Variants in UNC13B observed in about 807,000 individuals in gnomAD.
UNC13B encodes the protein protein unc-13 homolog B.
In UNC13B, 144 loss-of-function variants were observed where a neutral mutation model predicts 211.0. The observed-to-expected ratio is 0.68, with a 90% CI of 0.60 to 0.78. The LOEUF (loss-of-function observed/expected upper bound fraction) is 0.78, where lower values mean the gene tolerates loss of function less well. Ranked by LOEUF, UNC13B falls within the 30% of genes least tolerant of loss-of-function variation. The pLI, the probability that UNC13B is intolerant of heterozygous loss-of-function variation, is 0.00. For missense variants in UNC13B, 1,777 were observed against 2,002.0 expected, an observed-to-expected ratio of 0.89 and a Z score of 2.14; for synonymous variants, 709 against 725.8, an observed-to-expected ratio of 0.98 and a Z score of 0.37.
intron 3 of UNC13B, 146 bp downstream of exon 3, chr9:35,231,365 G>C (rs903449845): frequency 1.8e-6 from 1 of 557,782 alleles, no homozygotes; most frequent in Non-Finnish European, 3.1e-6. Context: ...GAAAACTGTG[G>C]AGTTATAGAA....
chr9:35,221,791 A>T (rs1824578649), intron 1 of UNC13B, among the ~76,000 whole-genome samples: 1 of 152,188 alleles, frequency 6.6e-6, no homozygotes, highest in African/African-American at 2.4e-5. Flanking sequence ...TCTCACATTT[A>T]GTTCTATTCC....
At chr9:35,223,694 CTA>C (rs1308119886) in intron 1 of UNC13B, among the ~76,000 whole-genome samples, 6 of 152,070 alleles carry the variant, frequency 3.9e-5, no homozygotes, top group African/African-American at 1.4e-4. Context: ...TCCCATTTGT[CTA>C]TTTTTATTTA....
In UNC13B at chr9:35,301,861, C is replaced by G; in HGVS notation, c.2457C>G (p.Leu819=). Reference sequence around the variant, plus strand: ...GAAAATCATTTAGCCAGTTTTTGCTCACTTCCCCTGAGACTTGTTCAAAGG... The same window carrying G: ...GAAAATCATTTAGCCAGTTTTTGCTGACTTCCCCTGAGACTTGTTCAAAGG... The part of the protein sequence containing the change: ...PLRKSFSQFL[L]TSPETCSKES... The change falls in exon 9 of 40, where the codon CTC becomes CTG. Residue 819 remains leucine, a synonymous_variant. Coordinates refer to ENST00000635942, the MANE Select transcript of UNC13B (RefSeq NM_001371189.2). 1 of 398,804 alleles carries G rather than the reference C, an allele frequency of 2.5e-6. No homozygotes were observed. 24.7% of individuals were successfully genotyped at this position (398,804 alleles called of 1,614,324 possible).
chr9:35,346,195 C>A (rs1263627124), intron 11 of UNC13B, among the ~76,000 whole-genome samples: 1 of 152,102 alleles, frequency 6.6e-6, no homozygotes, highest in Admixed American at 6.6e-5. Flanking sequence ...TGATATATGG[C>A]CCAGAAATGC....
intron 11 of UNC13B, among the ~76,000 whole-genome samples, chr9:35,357,607 G>A (rs1833115321): frequency 6.9e-6 from 1 of 144,430 alleles, no homozygotes. Flanking sequence ...AATTCTATTG[G>A]CCAGGTCTGT....
intron 7 of UNC13B, among the ~76,000 whole-genome samples, chr9:35,286,693 A>G (rs938301486): frequency 2.6e-5 from 4 of 152,124 alleles, no homozygotes; most frequent in African/African-American, 4.8e-5. Flanking sequence ...TGTTTCTACA[A>G]AAAAATAATA....
At chr9:35,252,353 G>A (rs968151028) in intron 6 of UNC13B, among the ~76,000 whole-genome samples, 9 of 151,554 alleles carry the variant, frequency 5.9e-5, no homozygotes, top group Non-Finnish European at 1.2e-4. Flanking sequence ...ATTTTTATTT[G>A]AGACAGTCTT....
chr9:35,249,381 A>C (rs1826317104), intron 6 of UNC13B, among the ~76,000 whole-genome samples: 1 of 152,084 alleles, frequency 6.6e-6, no homozygotes, highest in South Asian at 2.1e-4. Context: ...GTTACTTGTG[A>C]ATTTGATCCT....
In UNC13B at chr9:35,228,038, T is replaced by C; in HGVS notation, c.46T>C (p.Ser16Pro). The C allele has an allele frequency of 6.2e-7, 1 of 1,612,626 alleles. No homozygotes were observed. The highest frequency in any genetic ancestry group is 8.5e-7 in the Non-Finnish European group (1 of 1,179,408). Reference sequence around the variant, plus strand: ...AGTTAAAAGGGCCAAATTCCAGGGTTCACCAGGTAAGGCCAGCTTTCTATT... The same window carrying C: ...AGTTAAAAGGGCCAAATTCCAGGGTCCACCAGGTAAGGCCAGCTTTCTATT... ...VRVKRAKFQG[S>P]PDKFNTYVTL... is the part of the protein sequence containing the mutation. The change falls in exon 2 of 40, where the codon TCA (serine) becomes CCA (proline). Residue 16 changes from serine to proline, a missense_variant. Ser to Pro is a moderately conservative substitution (Grantham distance 74). Transcript: ENST00000635942.
At chr9:35,386,749 T>G (rs1260531662) in intron 24 of UNC13B, among the ~76,000 whole-genome samples, 1 of 152,106 alleles carries the variant, frequency 6.6e-6, no homozygotes, top group Non-Finnish European at 1.5e-5. Flanking sequence ...AAATGTGTGG[T>G]TCTTCTGGGT....
chr9:35,331,456 A>T (rs1490001759), intron 11 of UNC13B, among the ~76,000 whole-genome samples: 1 of 152,162 alleles, frequency 6.6e-6, no homozygotes, highest in African/African-American at 2.4e-5. Flanking sequence ...CATCTTGGCC[A>T]GGCTGGTCTT....
intron 16 of UNC13B, among the ~76,000 whole-genome samples, 179 bp downstream of exon 16, chr9:35,377,874 C>A (rs550522090): frequency 2.8e-4 from 42 of 151,694 alleles, no homozygotes; most frequent in African/African-American, 9.9e-4. Flanking sequence ...GCCGGAGAGG[C>A]AAGATTGCTA....
chr9:35,229,912 A>G (rs1825101126), intron 2 of UNC13B, among the ~76,000 whole-genome samples: 1 of 152,202 alleles, frequency 6.6e-6, no homozygotes, highest in African/African-American at 2.4e-5. Context: ...ATGTTTGCCA[A>G]TTTGATGAGT....
At position 35,399,242 on chromosome 9, in the gene UNC13B, A is replaced by C; in HGVS notation, c.12156A>C (p.Thr4052=). The change falls in exon 34 of 40, where the codon ACA becomes ACC. Residue 4052 remains threonine, a synonymous_variant. Transcript: ENST00000635942. ...LKELWRVVMN[T]MERMIVLPPL... ...AGCTCTGGCGCGTGGTGATGAACAC[A>C]ATGGAGAGGATGATTGTTCTGCCCC... 1 of 1,614,036 alleles carries C rather than the reference A, an allele frequency of 6.2e-7. No homozygotes were observed.
At chr9:35,394,896 G>T (rs1587766559) in intron 26 of UNC13B, among the ~76,000 whole-genome samples, 1 of 152,298 alleles carries the variant, frequency 6.6e-6, no homozygotes, top group East Asian at 1.9e-4. Flanking sequence ...AGAAATTAGG[G>T]ATAGGGGCCA....
intron 7 of UNC13B, among the ~76,000 whole-genome samples, chr9:35,290,529 AC>A: frequency 6.6e-6 from 1 of 151,370 alleles, no homozygotes. Context: ...CCATTCTTTG[AC>A]CTTTTAACTT....
chr9:35,352,554 T>C (rs1470160253), intron 11 of UNC13B: 1 of 1,232,004 alleles, frequency 8.1e-7, no homozygotes, highest in Non-Finnish European at 1.0e-6. Context: ...GTTCTTCAGA[T>C]GGAAACAGGG....
intron 11 of UNC13B, among the ~76,000 whole-genome samples, chr9:35,355,979 A>G (rs917014458): frequency 3.3e-5 from 5 of 152,204 alleles, no homozygotes; most frequent in African/African-American, 1.2e-4. Flanking sequence ...CCTTCTAGGC[A>G]ATGCAGAAAC....
At chr9:35,366,780 G>A (rs1487937183) in intron 11 of UNC13B, among the ~76,000 whole-genome samples, 167 bp from the exon 12 acceptor site, 1 of 152,096 alleles carries the variant, frequency 6.6e-6, no homozygotes, top group Non-Finnish European at 1.5e-5. Context: ...CAGCCTGCTT[G>A]TTGCCCTGAC....
Sources: gnomAD v4.1 joint callset for allele counts (sites outside exome capture counted in the v4.1 genomes callset) on GRCh38, gnomAD v4.1.1 for gene constraint, MANE v1.5 for transcripts, NCBI Gene and HGNC (gene_info 2026-07-23, HGNC 2026-07-21) for gene names.